Variants in LOC728392 observed in about 807,000 individuals in gnomAD.
chr17:5,500,312 G>C, the LOC728392 span: 4 of 1,042,776 alleles, frequency 3.8e-6, no homozygotes, highest in Non-Finnish European at 4.6e-6. This position sits in a 1 kb window ranked among gnomAD's most constrained non-coding sequence, Gnocchi z 5.4. Context: ...AGTGGTAGGG[G>C]TCCAGGGGCA....
the LOC728392 span, chr17:5,500,025 A>G: frequency 5.1e-6 from 5 of 986,008 alleles, no homozygotes; most frequent in African/African-American, 3.5e-5. The surrounding 1 kb of genome is among the most constrained non-coding windows in gnomAD (Gnocchi z 5.4). Flanking sequence ...GACGAACGCC[A>G]CTTACCGAGT....
chr17:5,500,775 C>T, the LOC728392 span: 7 of 1,159,418 alleles, frequency 6.0e-6, no homozygotes, highest in Non-Finnish European at 7.6e-6. This position sits in a 1 kb window ranked among gnomAD's most constrained non-coding sequence, Gnocchi z 5.4. Flanking sequence ...CCCGGCGCGG[C>T]CCCCCTGCGC....
the LOC728392 span, chr17:5,499,538 A>T: frequency 6.5e-6 from 1 of 153,928 alleles, no homozygotes; most frequent in Non-Finnish European, 1.4e-5. Flanking sequence ...TTAACATTTA[A>T]CATTCATGAG....
chr17:5,500,112 C>T, the LOC728392 span: 16 of 986,392 alleles, frequency 1.6e-5, no homozygotes, highest in Non-Finnish European at 1.8e-5. This position sits in a 1 kb window ranked among gnomAD's most constrained non-coding sequence, Gnocchi z 5.4. Flanking sequence ...GCTGGCTCCT[C>T]CTGGGGGCGA....
At chr17:5,500,824 C>A in the LOC728392 span, 1 of 1,179,658 alleles carries the variant, frequency 8.5e-7, no homozygotes, top group South Asian at 1.6e-5. This position sits in a 1 kb window ranked among gnomAD's most constrained non-coding sequence, Gnocchi z 5.4. Context: ...TTGCCCGCGG[C>A]CGACGCCGAC....
chr17:5,500,496 T>C, the LOC728392 span: 2 of 1,165,372 alleles, frequency 1.7e-6, no homozygotes, highest in East Asian at 1.0e-4. The surrounding 1 kb of genome is among the most constrained non-coding windows in gnomAD (Gnocchi z 5.4). Flanking sequence ...GAAAGCTACA[T>C]GAAGGGGGTG....
chr17:5,499,450 T>G, the LOC728392 span: 1 of 152,136 alleles, frequency 6.6e-6, no homozygotes, highest in African/African-American at 2.4e-5. Flanking sequence ...AAAAGATAAT[T>G]TATTCCATCA....
chr17:5,500,534 G>T, the LOC728392 span: 2 of 1,201,210 alleles, frequency 1.7e-6, no homozygotes, highest in South Asian at 3.2e-5. The surrounding 1 kb of genome is among the most constrained non-coding windows in gnomAD (Gnocchi z 5.4). Flanking sequence ...ACAAAATGCC[G>T]AGCCCCGTTT....
At chr17:5,499,650 C>G in the LOC728392 span, 1 of 548,678 alleles carries the variant, frequency 1.8e-6, no homozygotes, top group Non-Finnish European at 2.3e-6. Context: ...AGGTGGTTTT[C>G]CCGCACGAAC....
At chr17:5,500,825 C>G in the LOC728392 span, 2 of 1,180,350 alleles carry the variant, frequency 1.7e-6, no homozygotes, top group Non-Finnish European at 2.2e-6. The surrounding 1 kb of genome is among the most constrained non-coding windows in gnomAD (Gnocchi z 5.4). Flanking sequence ...TGCCCGCGGC[C>G]GACGCCGACC....
chr17:5,500,179 G>A, the LOC728392 span: 1 of 986,984 alleles, frequency 1.0e-6, no homozygotes, highest in Non-Finnish European at 1.2e-6. The surrounding 1 kb of genome is among the most constrained non-coding windows in gnomAD (Gnocchi z 5.4). Flanking sequence ...CTCCCTGCCG[G>A]ACCCTCTCTA....
the LOC728392 span, chr17:5,500,436 G>T: frequency 8.8e-7 from 1 of 1,132,516 alleles, no homozygotes; most frequent in Non-Finnish European, 1.1e-6. The surrounding 1 kb of genome is among the most constrained non-coding windows in gnomAD (Gnocchi z 5.4). Context: ...TTGTACTTTC[G>T]TACTGATAGA....
chr17:5,499,814 C>T, the LOC728392 span: 1 of 986,060 alleles, frequency 1.0e-6, no homozygotes. Context: ...CAGGAGTGCG[C>T]CAGCTCTGGG....
the LOC728392 span, chr17:5,500,958 G>T: frequency 8.0e-7 from 1 of 1,247,326 alleles, no homozygotes. This position sits in a 1 kb window ranked among gnomAD's most constrained non-coding sequence, Gnocchi z 5.4. Context: ...GTCAGCCATG[G>T]GCAGGATCGC....
At chr17:5,499,939 C>A in the LOC728392 span, 1 of 985,988 alleles carries the variant, frequency 1.0e-6, no homozygotes, top group Non-Finnish European at 1.2e-6. Flanking sequence ...CTCCGGGCAG[C>A]GACAACAAAG....
the LOC728392 span, chr17:5,500,835 C>G: frequency 2.5e-6 from 3 of 1,207,368 alleles, no homozygotes; most frequent in Non-Finnish European, 2.1e-6. The surrounding 1 kb of genome is among the most constrained non-coding windows in gnomAD (Gnocchi z 5.4). Context: ...CGACGCCGAC[C>G]TGGGCCCGCG....
the LOC728392 span, chr17:5,500,532 C>T: frequency 6.7e-6 from 8 of 1,200,944 alleles, no homozygotes; most frequent in African/African-American, 1.7e-5. The surrounding 1 kb of genome is among the most constrained non-coding windows in gnomAD (Gnocchi z 5.4). Context: ...ACACAAAATG[C>T]CGAGCCCCGT....
the LOC728392 span, chr17:5,500,362 T>A: frequency 3.8e-6 from 4 of 1,049,740 alleles, no homozygotes; most frequent in Non-Finnish European, 4.6e-6. The surrounding 1 kb of genome is among the most constrained non-coding windows in gnomAD (Gnocchi z 5.4). Context: ...CCCAAAATTC[T>A]AAACGCCTCC....
the LOC728392 span, chr17:5,499,691 T>C: frequency 1.2e-6 from 1 of 861,338 alleles, no homozygotes; most frequent in Non-Finnish European, 1.4e-6. Context: ...TCAGCCCCTT[T>C]TGTCTTGGGT....
Sources: allele counts gnomAD v4.1 joint callset, GRCh38; gene constraint gnomAD v4.1.1; non-coding constraint Gnocchi (gnomAD v3.1); transcripts MANE v1.5.